The following ADRM1 variants were observed in gnomAD, a reference collection of about 807,000 sequenced individuals.
ADRM1 encodes the protein proteasomal ubiquitin receptor ADRM1.
In ADRM1, 2 loss-of-function variants were observed where a neutral mutation model predicts 40.1. The ratio of observed to expected loss-of-function variants is 0.05; its 90% CI spans 0.02 to 0.16. The LOEUF (loss-of-function observed/expected upper bound fraction) is 0.16. Among genes scored for constraint, ADRM1 ranks in the 10% least tolerant of loss-of-function variants. ADRM1 has a pLI of 1.00. For missense variants in ADRM1, 467 were observed against 552.5 expected, an observed-to-expected ratio of 0.85 and a Z score of 1.55; for synonymous variants, 287 against 240.4, an observed-to-expected ratio of 1.19 and a Z score of -1.79.
rs183453168 is a variant in ADRM1, at chr20:62,305,182, A to C, written c.330+605A>C. On this transcript the variant is annotated intron_variant, in intron 3 of 9. Transcript: ENST00000253003. ...CCCGGTACACAGATCATTTTCCATAAGCCAGTATCATCTGTAGGTGAAAAC... is the reference window on the plus strand; with the variant it reads ...CCCGGTACACAGATCATTTTCCATACGCCAGTATCATCTGTAGGTGAAAAC... 2.9e-3 allele frequency among the ~76,000 whole-genome samples: 448 copies of C among 152,310 alleles called. 2 individuals are homozygous for C. The highest frequency in any genetic ancestry group is 0.01 in the African/African-American group (435 of 41,560).
At position 62,304,443 on chromosome 20, in the gene ADRM1, C is replaced by T. The variant is rs1308721485; in HGVS notation, c.214-18C>T. 1.2e-6 allele frequency: 2 copies of T among 1,606,210 alleles called. No individual in the cohort carries two copies. The highest frequency in any genetic ancestry group is 1.3e-5 in the African/African-American group (1 of 74,778). On this transcript the variant is annotated intron_variant, in intron 2 of 9. Coordinates refer to ENST00000253003, the MANE Select transcript of ADRM1 (RefSeq NM_007002.4). Reference sequence around the variant, plus strand: ...ATGCCATCTGCGCCACTGACTCTCTCTTCCCCTGGCTTGCCAGGACTTGAT... The same window carrying T: ...ATGCCATCTGCGCCACTGACTCTCTTTTCCCCTGGCTTGCCAGGACTTGAT...
intron 5 of ADRM1, 62 bp downstream of exon 5, chr20:62,306,796 CTG>C (rs1985049529): frequency 7.0e-7 from 1 of 1,435,654 alleles, no homozygotes; most frequent in Non-Finnish European, 9.5e-7. Context: ...GGCCCGGTCT[CTG>C]TTTCCTTTAA....
rs150110881 is a variant in ADRM1 at position 62,307,626 on chromosome 20, G to C, written c.654G>C (p.Pro218=). 1.0e-3 allele frequency: 1,612 copies of C among 1,611,716 alleles called. 3 individuals carry two copies. Among genetic ancestry groups the C allele is most frequent in the Non-Finnish European group, 1.2e-3 (1,440 of 1,179,848 alleles). Residue 218 remains proline, a synonymous_variant, in exon 7 of 10, where the codon CCG becomes CCC. Coordinates refer to ENST00000253003, the MANE Select transcript of ADRM1 (RefSeq NM_007002.4). ...SSRSQSAAVT[P]SSTTSSTRAT... is the part of the protein sequence containing the mutation. ...GGAGCCAGTCGGCAGCGGTCACCCC[G>C]TCATCCACCACCTCTTCCACCCGTG...
chr20:62,303,931 C>A, intron 2 of ADRM1, 150 bp downstream of exon 2: 1 of 737,174 alleles, frequency 1.4e-6, no homozygotes, highest in Non-Finnish European at 2.2e-6. Flanking sequence ...GTCCTGGTTT[C>A]CGCGGTGACA....
chr20:62,306,283 C>T lies in ADRM1; in HGVS notation c.417C>T (p.Ala139=), dbSNP rs1167997794. The T allele has an allele frequency of 1.2e-6, 2 of 1,612,938 alleles. No homozygotes were observed. The highest frequency in any genetic ancestry group is 1.7e-6 in the Non-Finnish European group (2 of 1,179,866). The stretch of plus-strand genomic sequence containing the variant: ...CCCCGATGCCTGGGGCGCTGGGGGC[C>T]AGCGGAAGCAGCGGCCACGAACTCT... The part of the protein sequence containing the change: ...NNPPMPGALG[A]SGSSGHELSA... Residue 139 remains alanine (A), a synonymous_variant, in exon 4 of 10, where the codon GCC becomes GCT. Coordinates refer to ENST00000253003, the MANE Select transcript of ADRM1 (RefSeq NM_007002.4).
rs773749359 is a variant in ADRM1 at position 62,308,790 on chromosome 20, C to T, written c.*29C>T. 4.3e-6 allele frequency: 7 copies of T among 1,610,984 alleles called. No homozygotes were observed. The highest frequency in any genetic ancestry group is 1.7e-4 in the Middle Eastern group (1 of 5,934). ...ACGCGCCGTCCTCCGAGGAACTGGGCGCTTGCAGTGCGTTGCACACCCTCA... is the reference window on the plus strand; with the variant it reads ...ACGCGCCGTCCTCCGAGGAACTGGGTGCTTGCAGTGCGTTGCACACCCTCA... On this transcript the variant is annotated 3_prime_UTR_variant, in exon 10 of 10. Transcript: ENST00000253003.
Position 62,308,319 on chromosome 20 carries a change from G to A in ADRM1, c.1015-49G>A, listed in dbSNP as rs114373359. The A allele has an allele frequency of 9.8e-3, 15,185 of 1,556,658 alleles. 203 individuals carry two copies. Among genetic ancestry groups the A allele is most frequent in the African/African-American group, 0.045 (3,343 of 74,202 alleles). On this transcript the variant is annotated intron_variant, in intron 8 of 9. Transcript: ENST00000253003. Reference sequence around the variant, plus strand: ...GCTGGCAGCTGAGCAGTGTGGCTCTGGGGTGCAGCCCGGGTTGGAGCTCAG... The same window carrying A: ...GCTGGCAGCTGAGCAGTGTGGCTCTAGGGTGCAGCCCGGGTTGGAGCTCAG...
At chr20:62,306,609 T>C in intron 4 of ADRM1, 39 bp from the exon 5 acceptor site, 1 of 1,568,818 alleles carries the variant, frequency 6.4e-7, no homozygotes, top group South Asian at 1.2e-5. Context: ...CGCGTGGATC[T>C]GGCTGGGGCA....
rs1985617199 is a variant in ADRM1 at position 62,308,842 on chromosome 20, G to T, written c.*81G>T. 1 of 1,541,808 alleles carries T rather than the reference G, an allele frequency of 6.5e-7. No individual in the cohort carries two copies. The highest frequency in any genetic ancestry group is 2.1e-5 in the Admixed American group (1 of 46,568). On this transcript the variant is annotated 3_prime_UTR_variant, in exon 10 of 10. Transcript: ENST00000253003. Reference sequence around the variant, plus strand: ...CTCCCACCCACTGATTATTAATAAAGTCTTTTCTTTTACCTGCCAATGCTT... The same window carrying T: ...CTCCCACCCACTGATTATTAATAAATTCTTTTCTTTTACCTGCCAATGCTT...
chr20:62,305,117 C>T (rs192180865), intron 3 of ADRM1, among the ~76,000 whole-genome samples: 6 of 152,358 alleles, frequency 3.9e-5, no homozygotes, highest in Non-Finnish European at 1.5e-5. Flanking sequence ...GAGCTTGTTG[C>T]CGTTTTTTGT....
Position 62,303,764 on chromosome 20 carries a change from T to G in ADRM1, c.196T>G (p.Ser66Ala). Residue 66 changes from serine to alanine, a missense_variant, in exon 2 of 10, where the codon TCC becomes GCC. Around this residue, in one of 3 missense-constraint regions of ADRM1, gnomAD observed 418 missense variants for 474.6 expected, o/e 0.88. Transcript: ENST00000253003. ...LIHFCWKDRT[S>A]GNVEDDLIIF... ...TCACTTCTGCTGGAAGGACAGGACGTCCGGGAACGTGGAAGACGTGAGTGT... is the reference window on the plus strand; with the variant it reads ...TCACTTCTGCTGGAAGGACAGGACGGCCGGGAACGTGGAAGACGTGAGTGT... 1 of 1,611,036 alleles carries G rather than the reference T, an allele frequency of 6.2e-7. No homozygotes were observed. The highest frequency in any genetic ancestry group is 8.5e-7 in the Non-Finnish European group (1 of 1,179,780).
chr20:62,303,374 G>C, intron 1 of ADRM1, 194 bp from the exon 2 acceptor site: 1 of 545,676 alleles, frequency 1.8e-6, no homozygotes, highest in Non-Finnish European at 3.2e-6. Context: ...GGGCTGCCCC[G>C]GCCCAGCGCC....
intron 8 of ADRM1, 39 bp downstream of exon 8, chr20:62,308,217 A>C (rs2236523): frequency 0.42 from 663,830 of 1,575,058 alleles, 140,715 homozygotes; most frequent in Middle Eastern, 0.45. Flanking sequence ...CTGTGTGCTC[A>C]GGGAGTGGGC....
Position 62,308,094 on chromosome 20 carries a change from G to A in ADRM1, c.930G>A (p.Leu310=). ...ILANADVQER[L]LPYLPSGESL... is the part of the protein sequence containing the mutation. ...CCAACGCGGATGTCCAGGAGCGCCTGCTTCCCTACTTGCCATCTGGGGAGT... is the reference window on the plus strand; with the variant it reads ...CCAACGCGGATGTCCAGGAGCGCCTACTTCCCTACTTGCCATCTGGGGAGT... Residue 310 remains leucine (L), a synonymous_variant, in exon 8 of 10, where the codon CTG becomes CTA. Coordinates refer to ENST00000253003, the MANE Select transcript of ADRM1 (RefSeq NM_007002.4). 1 of 1,611,558 alleles carries A rather than the reference G, an allele frequency of 6.2e-7. No homozygotes were observed. Among genetic ancestry groups the A allele is most frequent in the South Asian group, 1.1e-5 (1 of 90,948 alleles).
chr20:62,304,659 C>T lies in ADRM1; in HGVS notation c.330+82C>T, dbSNP rs1238518939. The T allele has an allele frequency of 3.6e-6, 5 of 1,401,886 alleles. No homozygotes were observed. The Admixed American group carries it at 8.5e-5, about 24-fold the overall frequency. The allele number at this position is 1,401,886 out of a possible 1,614,324, so 86.8% of individuals were successfully genotyped here. A position where few individuals can be genotyped will look rare whatever the true frequency, so the allele number is the denominator to read the frequency against. On this transcript the variant is annotated intron_variant, in intron 3 of 9. Coordinates refer to ENST00000253003, the MANE Select transcript of ADRM1 (RefSeq NM_007002.4). ...CTTGCTTACAGTGTGGTGCAATTGG[C>T]TTTTATAAACCAGCAGGCGCCGGCC...
intron 3 of ADRM1, among the ~76,000 whole-genome samples, chr20:62,305,244 GT>G (rs1984733347): frequency 6.6e-6 from 1 of 152,160 alleles, no homozygotes; most frequent in Non-Finnish European, 1.5e-5. Flanking sequence ...GTGTGCATGC[GT>G]TTGCAGTGTG....
At chr20:62,307,232 C>T (rs562899498) in intron 5 of ADRM1, 139 bp from the exon 6 acceptor site, 10 of 802,112 alleles carry the variant, frequency 1.2e-5, no homozygotes, top group South Asian at 3.7e-5. Context: ...GCCGCTCCTC[C>T]AGGCCTGTGG....
rs753632560 is a variant in ADRM1, at chr20:62,308,811, C to T, written c.*50C>T. 1.2e-5 allele frequency: 19 copies of T among 1,598,128 alleles called. 1 individual carries two copies. The South Asian group carries it at 1.3e-4, about 11-fold the overall frequency. ...TGGGCGCTTGCAGTGCGTTGCACAC[C>T]CTCACCTCCCACCCACTGATTATTA... On this transcript the variant is annotated 3_prime_UTR_variant, in exon 10 of 10. Coordinates refer to ENST00000253003, the MANE Select transcript of ADRM1 (RefSeq NM_007002.4).
Position 62,308,484 on chromosome 20 carries a change from C to T in ADRM1, c.1117+14C>T, listed in dbSNP as rs1362933709. 6.3e-7 allele frequency: 1 copy of T among 1,588,048 alleles called. No homozygotes were observed. The highest frequency in any genetic ancestry group is 8.6e-7 in the Non-Finnish European group (1 of 1,168,368). On this transcript the variant is annotated intron_variant, in intron 9 of 9. Coordinates refer to ENST00000253003, the MANE Select transcript of ADRM1 (RefSeq NM_007002.4). ...CCAACAAGGGCGGTAAGTGGCTGCG[C>T]CTGCACCTCCAGGCCAGAGCCAGGG...
Sources: allele counts gnomAD v4.1 joint callset (sites outside exome capture counted in the v4.1 genomes callset), GRCh38; gene constraint gnomAD v4.1.1; regional missense constraint gnomAD v4.1.1; transcripts MANE v1.5; gene names NCBI Gene and HGNC (gene_info 2026-07-23, HGNC 2026-07-21).